Variants in SUMF1 observed in about 807,000 individuals in gnomAD.
SUMF1 encodes sulfatase modifying factor 1, also known as formylglycine-generating enzyme.
A neutral mutation model predicts 47.6 loss-of-function variants in SUMF1; 48 were observed. The ratio of observed to expected loss-of-function variants is 1.01; its 90% CI spans 0.80 to 1.28. The LOEUF (loss-of-function observed/expected upper bound fraction) is 1.28. Among genes scored for constraint, SUMF1 ranks in the 50% most tolerant of loss-of-function variants. SUMF1 has a pLI of 0.00. For missense variants in SUMF1, 571 were observed against 485.4 expected, an observed-to-expected ratio of 1.18 and a Z score of -1.66; for synonymous variants, 230 against 192.1, an observed-to-expected ratio of 1.20 and a Z score of -1.63.
chr3:4,171,414 G>C (rs1694830117), intron 8 of SUMF1, among the ~76,000 whole-genome samples: 1 of 152,134 alleles, frequency 6.6e-6, no homozygotes, highest in East Asian at 1.9e-4. Flanking sequence ...AGTTAGACTT[G>C]AGTTTCATAG....
intron 9 of SUMF1, among the ~76,000 whole-genome samples, chr3:4,063,767 T>C (rs11922050): frequency 2.0e-5 from 3 of 152,160 alleles, no homozygotes; most frequent in African/African-American, 7.2e-5. Context: ...TATTACTCAA[T>C]CAGAAAACTT....
chr3:4,263,277 A>G (rs769899644), intron 8 of SUMF1, among the ~76,000 whole-genome samples: 1 of 152,176 alleles, frequency 6.6e-6, no homozygotes, highest in Non-Finnish European at 1.5e-5. Context: ...GACAAATGGC[A>G]TCATGAACTG....
intron 8 of SUMF1, chr3:4,303,170 A>C: frequency 2.0e-6 from 1 of 495,958 alleles, no homozygotes. Context: ...ATGGTTTTGT[A>C]ATTATCTGTG....
chr3:4,169,485 CCAA>C (rs1414218328), intron 8 of SUMF1, among the ~76,000 whole-genome samples: 7 of 152,090 alleles, frequency 4.6e-5, no homozygotes, highest in African/African-American at 1.4e-4. Context: ...CCAAGGATTG[CCAA>C]CAACACCAGA....
chr3:4,400,314 T>C (rs1320133717), intron 7 of SUMF1, among the ~76,000 whole-genome samples: 2 of 152,158 alleles, frequency 1.3e-5, no homozygotes, highest in Non-Finnish European at 2.9e-5. Flanking sequence ...AATCTTTTGA[T>C]TGAAAGAAAT....
At chr3:4,162,034 C>T (rs1694588877) in intron 8 of SUMF1, among the ~76,000 whole-genome samples, 1 of 152,050 alleles carries the variant, frequency 6.6e-6, no homozygotes, top group African/African-American at 2.4e-5. Context: ...TTAATCCTGC[C>T]CAGGACTGGG....
chr3:4,210,142 G>A (rs571692250), intron 8 of SUMF1, among the ~76,000 whole-genome samples: 11 of 152,244 alleles, frequency 7.2e-5, no homozygotes, highest in African/African-American at 2.4e-4. Flanking sequence ...TGATCTGCCT[G>A]CCTCAGCCTC....
chr3:4,098,379 C>A (rs753540173), intron 8 of SUMF1, among the ~76,000 whole-genome samples: 1 of 152,138 alleles, frequency 6.6e-6, no homozygotes, highest in Non-Finnish European at 1.5e-5. Context: ...TAGGGACACA[C>A]AATATTATAT....
At chr3:4,251,366 T>G (rs931637544) in intron 8 of SUMF1, among the ~76,000 whole-genome samples, 8 of 152,222 alleles carry the variant, frequency 5.3e-5, no homozygotes, top group African/African-American at 1.9e-4. Context: ...TTTCTTGAGA[T>G]GGAATCTACT....
At chr3:4,224,539 G>C (rs1248744830) in intron 8 of SUMF1, among the ~76,000 whole-genome samples, 8 of 151,952 alleles carry the variant, frequency 5.3e-5, no homozygotes, top group Admixed American at 5.3e-4. Flanking sequence ...CCCATTTCCA[G>C]GGATCCTACT....
intron 7 of SUMF1, among the ~76,000 whole-genome samples, chr3:4,389,124 G>A (rs995786484): frequency 2.6e-5 from 4 of 151,922 alleles, no homozygotes; most frequent in Non-Finnish European, 5.9e-5. Context: ...CATTCCTTTA[G>A]CCATCCTTTT....
chr3:4,221,744 G>A (rs1339318541), intron 8 of SUMF1, among the ~76,000 whole-genome samples: 6 of 152,136 alleles, frequency 3.9e-5, no homozygotes, highest in Admixed American at 3.3e-4. Flanking sequence ...AAATCTGTGA[G>A]AGGAAGGTGG....
Position 4,097,454 on chromosome 3 carries a change from G to A in SUMF1, c.1015-28709C>T, listed in dbSNP as rs559057230. On this transcript the variant is annotated intron_variant and NMD_transcript_variant, in intron 8 of 12. Transcript: ENST00000448413. Reference sequence around the variant, plus strand: ...TGTAATCCCAGCTACTTGGGAGGCTGAGGCAGGAGAATCGCTTGAACCTGG... The same window carrying A: ...TGTAATCCCAGCTACTTGGGAGGCTAAGGCAGGAGAATCGCTTGAACCTGG... 1.2e-3 allele frequency among the ~76,000 whole-genome samples: 182 copies of A among 152,162 alleles called. 1 individual carries two copies. The highest frequency in any genetic ancestry group is 2.0e-3 in the Non-Finnish European group (136 of 68,008).
intron 8 of SUMF1, among the ~76,000 whole-genome samples, chr3:4,207,202 A>G (rs1279467249): frequency 1.3e-5 from 2 of 152,140 alleles, no homozygotes; most frequent in Non-Finnish European, 2.9e-5. Flanking sequence ...CTTTTACCTT[A>G]TGACCTTGTT....
chr3:4,102,457 C>A lies in SUMF1; in HGVS notation c.1015-33712G>T, dbSNP rs75519121. Among the ~76,000 whole-genome samples, 1,143 of 152,208 alleles carry A rather than the reference C, an allele frequency of 7.5e-3. 16 individuals are homozygous for A. Among genetic ancestry groups the A allele is most frequent in the African/African-American group, 0.026 (1,081 of 41,498 alleles). On this transcript the variant is annotated intron_variant and NMD_transcript_variant, in intron 8 of 12. Transcript: ENST00000448413. ...AATAGCAGTAATGATAGAGTCCAGT[C>A]TTCCTTTGCCTTCATCCGCTCCTCA...
intron 8 of SUMF1, among the ~76,000 whole-genome samples, chr3:4,373,304 A>G (rs144835621): frequency 6.6e-6 from 1 of 152,292 alleles, no homozygotes; most frequent in Non-Finnish European, 1.5e-5. Flanking sequence ...TAAATGGTCT[A>G]AACACCCAAT....
At chr3:4,191,922 AAG>A (rs1162595562) in intron 8 of SUMF1, among the ~76,000 whole-genome samples, 7 of 152,158 alleles carry the variant, frequency 4.6e-5, no homozygotes, top group African/African-American at 7.2e-5. Flanking sequence ...ACACAGAGGA[AAG>A]AGAGATTAAT....
At chr3:4,133,742 C>G (rs1224169742) in intron 8 of SUMF1, among the ~76,000 whole-genome samples, 1 of 152,062 alleles carries the variant, frequency 6.6e-6, no homozygotes, top group Non-Finnish European at 1.5e-5. Context: ...GTTCCTCAGC[C>G]TCCAGATGGC....
intron 8 of SUMF1, among the ~76,000 whole-genome samples, chr3:4,154,331 A>G (rs1232067585): frequency 5.3e-5 from 8 of 151,574 alleles, no homozygotes; most frequent in Non-Finnish European, 7.3e-5. Flanking sequence ...GGAACCCACT[A>G]GGAAGCTTTC....
Sources: allele counts gnomAD v4.1 joint callset (sites outside exome capture counted in the v4.1 genomes callset), GRCh38; gene constraint gnomAD v4.1.1; transcripts MANE v1.5; gene names NCBI Gene and HGNC (gene_info 2026-07-23, HGNC 2026-07-21).